Variants in XPO1 observed in about 807,000 individuals in gnomAD.
XPO1 encodes the protein exportin-1.
Under a neutral mutation model 133.3 loss-of-function variants are expected in XPO1, and 5 were observed. The ratio of observed to expected loss-of-function variants is 0.04; its 90% CI spans 0.02 to 0.08. The LOEUF (loss-of-function observed/expected upper bound fraction) is 0.08, where lower values mean the gene tolerates loss of function less well. XPO1 is among the 10% of genes least tolerant of loss of function. The pLI is 1.00. For synonymous variants in XPO1, 419 were observed against 408.2 expected, an observed-to-expected ratio of 1.03 and a Z score of -0.32; for missense variants, 506 against 1,267.5, an observed-to-expected ratio of 0.40 and a Z score of 9.12.
intron 1 of XPO1, among the ~76,000 whole-genome samples, chr2:61,535,634 G>A (rs1267119722): frequency 2.0e-5 from 3 of 152,106 alleles, no homozygotes; most frequent in Non-Finnish European, 2.9e-5. Flanking sequence ...AACTCCAAAA[G>A]ATGAGTCACC....
intron 2 of XPO1, among the ~76,000 whole-genome samples, chr2:61,531,566 T>G (rs941091332): frequency 2.0e-5 from 3 of 152,236 alleles, no homozygotes; most frequent in Non-Finnish European, 4.4e-5. Context: ...CCTTTAGATG[T>G]AGTGAACTAG....
intron 16 of XPO1, among the ~76,000 whole-genome samples, 186 bp from the exon 17 acceptor site, chr2:61,490,962 C>A (rs542594720): frequency 6.6e-6 from 1 of 152,300 alleles, no homozygotes; most frequent in African/African-American, 2.4e-5. Context: ...GCAGACCAGC[C>A]TGACCAACGT....
chr2:61,489,578 G>A (rs1485660066), intron 17 of XPO1, among the ~76,000 whole-genome samples: 1 of 148,774 alleles, frequency 6.7e-6, no homozygotes, highest in Non-Finnish European at 1.5e-5. Context: ...TTTTTGGGAC[G>A]GAGTCTCGTT....
intron 1 of XPO1, chr2:61,536,772 T>C (rs900302377): frequency 6.6e-6 from 1 of 152,558 alleles, no homozygotes; most frequent in Non-Finnish European, 1.5e-5. Context: ...CCTTTCTCTA[T>C]GCAGCATGGC....
chr2:61,524,547 A>G (rs923246858), intron 3 of XPO1, among the ~76,000 whole-genome samples: 14 of 152,228 alleles, frequency 9.2e-5, no homozygotes, highest in African/African-American at 3.4e-4. Flanking sequence ...ATCTGTTACT[A>G]TAATATCCTA....
At chr2:61,521,985 T>C (rs1412518401) in intron 4 of XPO1, among the ~76,000 whole-genome samples, 4 of 152,192 alleles carry the variant, frequency 2.6e-5, no homozygotes, top group Admixed American at 2.6e-4. Context: ...CTCAAACTTC[T>C]GGCCTTAAAT....
At chr2:61,522,999 A>G (rs1171982221) in intron 3 of XPO1, among the ~76,000 whole-genome samples, 4 of 152,236 alleles carry the variant, frequency 2.6e-5, no homozygotes, top group African/African-American at 7.2e-5. Context: ...TAGCAGCCAG[A>G]TATGAATTCA....
At chr2:61,526,344 A>G in intron 3 of XPO1, 76 bp downstream of exon 3, 2 of 1,521,762 alleles carry the variant, frequency 1.3e-6, no homozygotes, top group East Asian at 2.4e-5. Flanking sequence ...TGCTAATACT[A>G]AAAATGAGAT....
chr2:61,513,812 T>C (rs1263661495), intron 4 of XPO1, among the ~76,000 whole-genome samples: 4 of 151,974 alleles, frequency 2.6e-5, no homozygotes, highest in Non-Finnish European at 1.5e-5. Flanking sequence ...ACTTGCAAAA[T>C]ATACAGTTAA....
chr2:61,479,342 C>T (rs905732432), intron 24 of XPO1, among the ~76,000 whole-genome samples: 2 of 152,010 alleles, frequency 1.3e-5, no homozygotes, highest in Admixed American at 6.6e-5. Flanking sequence ...ATCCCAGCTA[C>T]TTGGGAGGCT....
chr2:61,522,884 G>T lies in XPO1; in HGVS notation c.229-201C>A, dbSNP rs140645343. ...ATGCATTTTCCTCATTTTATTGTTT[G>T]CTACTCTATATAACGTCCTGCTGTT... On this transcript the variant is annotated intron_variant, in intron 3 of 24. Coordinates refer to ENST00000401558, the MANE Select transcript of XPO1 (RefSeq NM_003400.4). 4.4e-3 allele frequency among the ~76,000 whole-genome samples: 673 copies of T among 152,192 alleles called. 4 individuals are homozygous for T. The highest frequency in any genetic ancestry group is 7.7e-3 in the Non-Finnish European group (524 of 68,018).
At chr2:61,486,864 TGGG>T (rs757117206) in intron 19 of XPO1, among the ~76,000 whole-genome samples, 1 of 152,172 alleles carries the variant, frequency 6.6e-6, no homozygotes. Flanking sequence ...GGACTTGAGC[TGGG>T]GTGATTCGCC....
intron 17 of XPO1, 106 bp from the exon 18 acceptor site, chr2:61,488,877 G>A (rs372269736): frequency 8.7e-5 from 104 of 1,195,636 alleles, no homozygotes; most frequent in African/African-American, 1.8e-4. Context: ...CGAGGCGGGC[G>A]GATGATGAGT....
Position 61,496,867 on chromosome 2 carries a change from G to A in XPO1, c.888+12C>T, listed in dbSNP as rs1446387419. ...AATTATTCAGCCAATTTTCAAGATA[G>A]TATTATATTACCTGCTTTAGTTGCA... On this transcript the variant is annotated intron_variant, in intron 10 of 24. Transcript: ENST00000401558. The A allele has an allele frequency of 1.9e-6, 3 of 1,569,730 alleles. No homozygotes were observed. The highest frequency in any genetic ancestry group is 2.6e-6 in the Non-Finnish European group (3 of 1,162,498).
chr2:61,528,110 A>G (rs754960303), intron 2 of XPO1, among the ~76,000 whole-genome samples: 8 of 151,862 alleles, frequency 5.3e-5, no homozygotes, highest in Non-Finnish European at 8.8e-5. Flanking sequence ...TATTTTCAGT[A>G]GAGACAGGGT....
At chr2:61,508,888 T>C (rs546350487) in intron 4 of XPO1, among the ~76,000 whole-genome samples, 1 of 152,284 alleles carries the variant, frequency 6.6e-6, no homozygotes, top group Admixed American at 6.5e-5. Context: ...GAAAAATCCT[T>C]AAAATGTGGG....
rs755027005 is a variant in XPO1 at position 61,498,675 on chromosome 2, T to G, written c.757A>C (p.Lys253Gln). 6.2e-7 allele frequency: 1 copy of G among 1,613,686 alleles called. No individual in the cohort carries two copies. Among genetic ancestry groups the G allele is most frequent in the South Asian group, 1.1e-5 (1 of 90,872 alleles). ...TAACTGAAATGTATTCACTGTACCTTATAAATCAATGTGCTGATTAATTTG... is the reference window on the plus strand; with the variant it reads ...TAACTGAAATGTATTCACTGTACCTGATAAATCAATGTGCTGATTAATTTG... The part of the protein sequence containing the change: ...ETKLISTLIY[K>Q]FLNVPMFRNV... The change falls in exon 9 of 25, where the codon AAG becomes CAG. Residue 253 changes from lysine (K) to glutamine (Q), a missense_variant and splice_region_variant. Coordinates refer to ENST00000401558, the MANE Select transcript of XPO1 (RefSeq NM_003400.4).
chr2:61,526,483 C>T lies in XPO1; in HGVS notation c.165G>A (p.Glu55=). ...MAQEVLTHLK[E]HPDAWTRVDT... is the part of the protein sequence containing the mutation. ...CGACTCTTGTCCAAGCATCAGGATG[C>T]TCCTTTAAATGTGTCAGTACTTCTT... Residue 55 remains glutamate, a synonymous_variant, in exon 3 of 25, where the codon GAG becomes GAA. Coordinates refer to ENST00000401558, the MANE Select transcript of XPO1 (RefSeq NM_003400.4). The T allele has an allele frequency of 6.2e-7, 1 of 1,606,866 alleles. No individual in the cohort carries two copies. Among genetic ancestry groups the T allele is most frequent in the South Asian group, 1.1e-5 (1 of 89,510 alleles).
At chr2:61,526,827 C>T (rs894925112) in intron 2 of XPO1, among the ~76,000 whole-genome samples, 1 of 151,108 alleles carries the variant, frequency 6.6e-6, no homozygotes, top group Non-Finnish European at 1.5e-5. Context: ...CCCGCCTCAG[C>T]CTCCTGAGTA....
Sources: allele counts gnomAD v4.1 joint callset (sites outside exome capture counted in the v4.1 genomes callset), GRCh38; gene constraint gnomAD v4.1.1; transcripts MANE v1.5; gene names NCBI Gene and HGNC (gene_info 2026-07-23, HGNC 2026-07-21).